The following ZNF841 variants were observed in gnomAD, a reference collection of about 807,000 sequenced individuals.
The protein encoded by ZNF841 is zinc finger protein 841, also known as TCONS_00006091.
ZNF841 carries 11 observed loss-of-function variants against 13.0 expected under a neutral mutation model. That is an observed-to-expected ratio of 0.85 (90% confidence interval 0.53 to 1.40). The LOEUF is 1.40. Ranked by LOEUF, ZNF841 falls within the 40% of genes most tolerant of loss-of-function variation. The pLI, the probability that ZNF841 is intolerant of heterozygous loss-of-function variation, is 0.00. For synonymous variants in ZNF841, 369 were observed against 381.6 expected (o/e 0.97, Z 0.38); for missense variants, 1,068 against 1,139.5 (o/e 0.94, Z 0.90).
intron 2 of ZNF841, among the ~76,000 whole-genome samples, chr19:52,090,012 A>G (rs8112229): frequency 0.21 from 32,140 of 152,158 alleles, 4,736 homozygotes; most frequent in African/African-American, 0.41. Flanking sequence ...GCCTGCTGAG[A>G]AAACTTGCCA....
intron 1 of ZNF841, 165 bp from the exon 2 acceptor site, chr19:52,094,136 A>G (rs1312549468): frequency 1.3e-5 from 2 of 152,246 alleles, no homozygotes; most frequent in South Asian, 2.1e-4. Context: ...TACCACAAAT[A>G]ACTGGATCAA....
At chr19:52,064,352 C>CAAAAAAAAAAAAAAAAAAAAAAA (rs1568532352), downstream of ZNF841, 2 of 48,978 alleles carry the variant, frequency 4.1e-5, 1 homozygote, top group Non-Finnish European at 8.8e-5. Flanking sequence ...GACTCCGTCT[C>CAAAAAAAAAAAAAAAAAAAAAAA]CAAAAAAAAA....
intron 6 of ZNF841, among the ~76,000 whole-genome samples, chr19:52,072,055 T>C (rs1000234411): frequency 6.6e-6 from 1 of 152,202 alleles, no homozygotes; most frequent in Non-Finnish European, 1.5e-5. Flanking sequence ...GTGGCTAAAC[T>C]GATGTCAGCC....
At chr19:52,077,322 A>C (rs999178750) in intron 4 of ZNF841, among the ~76,000 whole-genome samples, 2 of 152,242 alleles carry the variant, frequency 1.3e-5, no homozygotes, top group African/African-American at 2.4e-5. Flanking sequence ...AATAAGAAAT[A>C]AACACATGGT....
intron 4 of ZNF841, among the ~76,000 whole-genome samples, chr19:52,082,206 G>A (rs1293397323): frequency 6.6e-6 from 1 of 152,172 alleles, no homozygotes; most frequent in Non-Finnish European, 1.5e-5. Flanking sequence ...ATAGGAAGAT[G>A]TGATGGTGAC....
downstream of ZNF841, among the ~76,000 whole-genome samples, chr19:52,060,729 CTA>C (rs1463540340): frequency 6.6e-6 from 1 of 152,064 alleles, no homozygotes; most frequent in Non-Finnish European, 1.5e-5. Flanking sequence ...TCCCTGATCC[CTA>C]TGTGTGATGC....
intron 6 of ZNF841, among the ~76,000 whole-genome samples, chr19:52,068,116 C>A (rs55799907): frequency 0.048 from 7,323 of 151,854 alleles, 260 homozygotes; most frequent in African/African-American, 0.095. Flanking sequence ...AAATAATGAA[C>A]AACCACAAAA....
At chr19:52,063,432 C>T (rs1474064888), downstream of ZNF841, among the ~76,000 whole-genome samples, 2 of 152,130 alleles carry the variant, frequency 1.3e-5, no homozygotes, top group African/African-American at 2.4e-5. Context: ...TTACAGCAAC[C>T]TCCACATCCT....
chr19:52,094,344 G>A (rs1035759717), intron 1 of ZNF841, among the ~76,000 whole-genome samples: 1 of 152,126 alleles, frequency 6.6e-6, no homozygotes, highest in Admixed American at 6.5e-5. Context: ...TCACGCATCT[G>A]GATGGGGTCC....
rs549936250 is a variant in ZNF841 at position 52,065,209 on chromosome 19, G to T, written c.2673C>A (p.Gly891=). 3.1e-6 allele frequency: 5 copies of T among 1,612,036 alleles called. No individual in the cohort carries two copies. The highest frequency in any genetic ancestry group is 1.7e-5 in the Admixed American group (1 of 59,850). Residue 891 remains glycine (G), a synonymous_variant, in exon 7 of 7, where the codon GGC becomes GGA. Coordinates refer to ENST00000594440, the MANE Select transcript of ZNF841 (RefSeq NM_001136499.2). ...CATGTTTTATCTGATGTTTAGTGAG[G>T]CCTGAGCGACTAATGTAAGATTTGC... is the stretch of plus-strand genomic sequence containing the variant. ...ECGKSYISRS[G]LTKHQIKHAG...
chr19:52,085,456 G>A (rs1399930698), intron 3 of ZNF841, among the ~76,000 whole-genome samples: 3 of 152,196 alleles, frequency 2.0e-5, no homozygotes, highest in Non-Finnish European at 2.9e-5. Flanking sequence ...CTGTCCCCTT[G>A]GGGCTTCACT....
At chr19:52,079,658 G>T (rs73578837) in intron 4 of ZNF841, among the ~76,000 whole-genome samples, 4 of 152,148 alleles carry the variant, frequency 2.6e-5, no homozygotes, top group Non-Finnish European at 2.9e-5. Flanking sequence ...AGGCAAGGAG[G>T]GGGTAGAGCC....
At position 52,090,891 on chromosome 19, in the gene ZNF841, C is replaced by T. The variant is rs570867242; in HGVS notation, c.-143-1889G>A. Among the ~76,000 whole-genome samples the T allele has an allele frequency of 2.1e-3, 320 of 152,150 alleles. 1 individual carries two copies. The highest frequency in any genetic ancestry group is 7.1e-3 in the African/African-American group (295 of 41,520). On this transcript the variant is annotated intron_variant, in intron 2 of 6. Coordinates refer to ENST00000594440, the MANE Select transcript of ZNF841 (RefSeq NM_001136499.2). ...TATGCTGAGTGCAATTACTCCCTGG[C>T]ACCATGCTCCTTGAGGTTATCTACT...
chr19:52,059,370 A>AATATATATATATAT, the ZNF841 span, among the ~76,000 whole-genome samples: 3 of 69,644 alleles, frequency 4.3e-5, no homozygotes, highest in African/African-American at 2.5e-4. Context: ...AAAAAAAAAA[A>AATATATATATATAT]ATATATATAT....
In ZNF841 at chr19:52,065,777, T is replaced by G. The variant is rs768572978; in HGVS notation, c.2105A>C (p.Asn702Thr). The change falls in exon 7 of 7, where the codon AAT becomes ACT. Residue 702 changes from asparagine (N) to threonine (T), a missense_variant. Physicochemically the swap from Asn to Thr is moderately conservative, Grantham distance 65 (BLOSUM62 0). Transcript: ENST00000594440. ...TTTGTGTGGTTTCTCCCCAGTAGGA[T>G]TTCTGTGATATCTTGCAAGTTTTGA... ...QSSKLARYHR[N>T]PTGEKPHKCS... 6 of 1,610,516 alleles carry G rather than the reference T, an allele frequency of 3.7e-6. No homozygotes were observed. The highest frequency in any genetic ancestry group is 3.4e-6 in the Non-Finnish European group (4 of 1,178,038).
Position 52,065,535 on chromosome 19 carries a change from G to A in ZNF841, c.2347C>T (p.His783Tyr). 1 of 1,614,140 alleles carries A rather than the reference G, an allele frequency of 6.2e-7. No homozygotes were observed. The highest frequency in any genetic ancestry group is 8.5e-7 in the Non-Finnish European group (1 of 1,180,004). The change falls in exon 7 of 7, where the codon CAT (histidine) becomes TAT (tyrosine). Residue 783 changes from histidine to tyrosine, a missense_variant. His to Tyr is a moderately conservative substitution (Grantham distance 83, BLOSUM62 2). Coordinates refer to ENST00000594440, the MANE Select transcript of ZNF841 (RefSeq NM_001136499.2). The stretch of plus-strand genomic sequence containing the variant: ...TTCTCTCCAGTATGAATACTCCAAT[G>A]ACGTGCGAGGCCTGAGCGATAACGG... ...VFRYRSGLARHWSIHTGEKPY... is the reference protein window; with the variant it reads ...VFRYRSGLARYWSIHTGEKPY...
chr19:52,092,013 C>T (rs1452986495), intron 2 of ZNF841, among the ~76,000 whole-genome samples: 1 of 151,944 alleles, frequency 6.6e-6, no homozygotes, highest in East Asian at 1.9e-4. Context: ...AGTGGTGGTG[C>T]AACCTGTAAT....
At chr19:52,083,357 A>G (rs919626797) in intron 4 of ZNF841, among the ~76,000 whole-genome samples, 1 of 151,724 alleles carries the variant, frequency 6.6e-6, no homozygotes, top group Non-Finnish European at 1.5e-5. Context: ...GAATCTGGCA[A>G]GATTCCCCAC....
chr19:52,086,811 A>G (rs1347176723), intron 3 of ZNF841, among the ~76,000 whole-genome samples: 1 of 152,238 alleles, frequency 6.6e-6, no homozygotes, highest in African/African-American at 2.4e-5. Flanking sequence ...AATGAAATAC[A>G]TTGGATTTAG....
Sources: allele counts gnomAD v4.1 joint callset (sites outside exome capture counted in the v4.1 genomes callset), GRCh38; gene constraint gnomAD v4.1.1; transcripts MANE v1.5; gene names NCBI Gene and HGNC (gene_info 2026-07-23, HGNC 2026-07-21).